Variants in PIGS observed in about 807,000 individuals in gnomAD.
PIGS encodes the protein GPI-anchor transamidase component PIGS.
PIGS carries 37 observed loss-of-function variants against 58.2 expected under a neutral mutation model. That is an observed-to-expected ratio of 0.64 (90% CI 0.49 to 0.84). PIGS has a LOEUF of 0.84. PIGS is among the 40% of genes least tolerant of loss of function. The probability of loss-of-function intolerance (pLI) is 0.00; values close to 1 mark genes in which losing one functional copy is unlikely to be tolerated. For missense variants in PIGS, 629 were observed against 710.8 expected (o/e 0.88, Z 1.31); for synonymous variants, 269 against 289.2 (o/e 0.93, Z 0.71).
Position 28,571,011 on chromosome 17 carries a change from G to A in PIGS, c.174+38C>T, listed in dbSNP as rs768934702. 8 of 1,614,176 alleles carry A rather than the reference G, an allele frequency of 5.0e-6. No individual in the cohort carries two copies. In the Admixed American group the frequency reaches 1.2e-4, roughly 24 times the overall value. On this transcript the variant is annotated intron_variant, in intron 2 of 11. Transcript: ENST00000308360. ...CGTCACTGAGTCTCCACCTTGCCGG[G>A]GGGGCTGTCCCCCGACCCTCCCGCA...
intron 7 of PIGS, among the ~76,000 whole-genome samples, chr17:28,559,010 T>C (rs2070346907): frequency 6.6e-6 from 1 of 152,130 alleles, no homozygotes; most frequent in Non-Finnish European, 1.5e-5. Flanking sequence ...AGATGGAGTC[T>C]CACTCTGTTG....
intron 3 of PIGS, among the ~76,000 whole-genome samples, chr17:28,566,041 A>C (rs973774579): frequency 2.0e-5 from 3 of 151,852 alleles, no homozygotes; most frequent in African/African-American, 7.3e-5. Flanking sequence ...AAAATAAATA[A>C]ATAAATAAAC....
intron 9 of PIGS, 25 bp downstream of exon 9, chr17:28,556,802 G>A (rs375261026): frequency 6.2e-7 from 1 of 1,605,688 alleles, no homozygotes; most frequent in African/African-American, 1.3e-5. Flanking sequence ...CATGGGCTCT[G>A]GGGTCTGCGT....
intron 3 of PIGS, among the ~76,000 whole-genome samples, chr17:28,567,148 T>C (rs2070399190): frequency 6.6e-6 from 1 of 152,232 alleles, no homozygotes; most frequent in African/African-American, 2.4e-5. Context: ...GAGATCAGGC[T>C]GACAATACCT....
chr17:28,554,181 G>T lies in PIGS; in HGVS notation c.*39C>A. Reference sequence around the variant, plus strand: ...CTCACAATCTAACACCGCCCACCTTGGCCAGAAAGGAAGGCTTCCTATGGA... The same window carrying T: ...CTCACAATCTAACACCGCCCACCTTTGCCAGAAAGGAAGGCTTCCTATGGA... On this transcript the variant is annotated 3_prime_UTR_variant, in exon 12 of 12. Transcript: ENST00000308360. 1 of 1,605,474 alleles carries T rather than the reference G, an allele frequency of 6.2e-7. No homozygotes were observed. The highest frequency in any genetic ancestry group is 8.5e-7 in the Non-Finnish European group (1 of 1,174,984).
chr17:28,561,524 C>A lies in PIGS; in HGVS notation c.574G>T (p.Ala192Ser). 1 of 1,614,058 alleles carries A rather than the reference C, an allele frequency of 6.2e-7. No individual in the cohort carries two copies. The highest frequency in any genetic ancestry group is 2.2e-5 in the East Asian group (1 of 44,878). The change falls in exon 6 of 12, where the codon GCC (alanine) becomes TCC (serine). Residue 192 changes from alanine (A) to serine (S), a missense_variant. Ala to Ser is a moderately conservative substitution (Grantham distance 99). Transcript: ENST00000308360. ...AGCACATCCTCAGTCAAAGACATGG[C>A]CTGGGCCACCTGGACTATGCGGCGG... ...IGRRIVQVAQ[A>S]MSLTEDVLAA... is the part of the protein sequence containing the mutation.
chr17:28,561,446 T>A lies in PIGS; in HGVS notation c.652A>T (p.Arg218Trp), dbSNP rs773281045. ...LPEDKWSAEK[R>W]RPLKSSLGYE... is the part of the protein sequence containing the mutation. Reference sequence around the variant, plus strand: ...CCCAAGCTGGACTTGAGAGGCCGCCTCTTCTCAGCGCTCCACTTGTCCTCT... The same window carrying A: ...CCCAAGCTGGACTTGAGAGGCCGCCACTTCTCAGCGCTCCACTTGTCCTCT... The change falls in exon 6 of 12, where the codon AGG (arginine) becomes TGG (tryptophan). Residue 218 changes from arginine to tryptophan, a missense_variant. Arg to Trp is a moderately radical substitution (Grantham distance 101, BLOSUM62 -3). Coordinates refer to ENST00000308360, the MANE Select transcript of PIGS (RefSeq NM_033198.4). 1 of 1,613,984 alleles carries A rather than the reference T, an allele frequency of 6.2e-7. No homozygotes were observed. The highest frequency in any genetic ancestry group is 2.2e-5 in the East Asian group (1 of 44,890).
chr17:28,561,819 C>A lies in PIGS; in HGVS notation c.469-190G>T. On this transcript the variant is annotated intron_variant, in intron 5 of 11. Coordinates refer to ENST00000308360, the MANE Select transcript of PIGS (RefSeq NM_033198.4). Reference sequence around the variant, plus strand: ...TATATTGAGTATTTTCATTTGTCTCCGTTCTCTTCTTTTTCCCAGTTGACA... The same window carrying A: ...TATATTGAGTATTTTCATTTGTCTCAGTTCTCTTCTTTTTCCCAGTTGACA... 4 of 581,998 alleles carry A rather than the reference C, an allele frequency of 6.9e-6. No individual in the cohort carries two copies. In the Admixed American group the frequency reaches 1.4e-4, roughly 20 times the overall value. 36.1% of individuals were successfully genotyped at this position (581,998 alleles called of 1,614,324 possible). A position where few individuals can be genotyped will look rare whatever the true frequency, so the allele number is the denominator to read the frequency against.
intron 1 of PIGS, 96 bp downstream of exon 1, chr17:28,571,367 C>A: frequency 6.4e-7 from 1 of 1,550,470 alleles, no homozygotes; most frequent in Non-Finnish European, 8.7e-7. Flanking sequence ...CCGAGCCCCC[C>A]GTCCGCGGGA....
At chr17:28,558,378 T>C (rs188265165) in intron 8 of PIGS, 98 bp downstream of exon 8, 105 of 976,076 alleles carry the variant, frequency 1.1e-4, no homozygotes, top group Non-Finnish European at 1.5e-4. Flanking sequence ...CATCACTGTA[T>C]ATAATCCACC....
rs2070426527 is a variant in PIGS at position 28,571,189 on chromosome 17, C to A, written c.35-1G>T. The A allele has an allele frequency of 6.2e-7, 1 of 1,612,612 alleles. No individual in the cohort carries two copies. The highest frequency in any genetic ancestry group is 1.7e-5 in the Admixed American group (1 of 59,964). ...GCGGCGCGCTTGCCCCGGGCCACCT[C>A]TGAGGGCATGGGGAACCGACTGAGG... On this transcript the variant is annotated splice_acceptor_variant, in intron 1 of 11. Coordinates refer to ENST00000308360, the MANE Select transcript of PIGS (RefSeq NM_033198.4). LOFTEE classifies it high-confidence loss of function.
intron 4 of PIGS, 38 bp downstream of exon 4, chr17:28,563,780 G>A: frequency 6.4e-7 from 1 of 1,559,440 alleles, no homozygotes; most frequent in Non-Finnish European, 8.8e-7. Flanking sequence ...GAAAAAGAGG[G>A]CTTCACATTA....
At position 28,556,266 on chromosome 17, in the gene PIGS, C is replaced by T. The variant is rs892246062; in HGVS notation, c.1081G>A (p.Val361Ile). The T allele has an allele frequency of 5.6e-6, 9 of 1,600,026 alleles. No homozygotes were observed. The highest frequency in any genetic ancestry group is 7.7e-6 in the Non-Finnish European group (9 of 1,167,236). The change falls in exon 10 of 12, where the codon GTA becomes ATA. Residue 361 changes from valine (V) to isoleucine (I), a missense_variant and splice_region_variant. Val to Ile is a conservative substitution (Grantham distance 29, BLOSUM62 3). Transcript: ENST00000308360. ...TAGGTTTTGGAGTCAACATTATATA[C>T]CTGAAAGGGGGAATGAGATTGCCAC... is the stretch of plus-strand genomic sequence containing the variant. The part of the protein sequence containing the change: ...FHSPRWGGIM[V>I]YNVDSKTYNA...
intron 3 of PIGS, among the ~76,000 whole-genome samples, chr17:28,569,036 G>T (rs907071446): frequency 2.0e-5 from 3 of 150,462 alleles, no homozygotes; most frequent in Non-Finnish European, 4.4e-5. Context: ...GGCAGAGGTT[G>T]CAGTGAGCCA....
rs776595079 is a variant in PIGS, at chr17:28,554,406, A to C, written c.1482T>G (p.Ala494=). 6.2e-7 allele frequency: 1 copy of C among 1,614,210 alleles called. No individual in the cohort carries two copies. The highest frequency in any genetic ancestry group is 1.1e-5 in the South Asian group (1 of 91,090). The part of the protein sequence containing the change: ...LASAFVASQE[A]VTSSELAFFD... ...AGAAGGCAAGCTCAGAGGATGTCAC[A>C]GCTTCCTGGCTGGCGACAAAGGCAG... Residue 494 remains alanine, a synonymous_variant, in exon 12 of 12, where the codon GCT becomes GCG. Coordinates refer to ENST00000308360, the MANE Select transcript of PIGS (RefSeq NM_033198.4).
intron 3 of PIGS, among the ~76,000 whole-genome samples, chr17:28,568,453 C>T (rs1419930174): frequency 6.6e-6 from 1 of 152,144 alleles, no homozygotes; most frequent in Non-Finnish European, 1.5e-5. Context: ...TGCTATATCT[C>T]TAGTAACTAG....
chr17:28,571,075 G>C lies in PIGS; in HGVS notation c.148C>G (p.Gln50Glu). 6.2e-7 allele frequency: 1 copy of C among 1,614,144 alleles called. No individual in the cohort carries two copies. The change falls in exon 2 of 12, where the codon CAG becomes GAG. Residue 50 changes from glutamine to glutamate, a missense_variant. By Grantham distance (29) the Gln-to-Glu change is conservative. Coordinates refer to ENST00000308360, the MANE Select transcript of PIGS (RefSeq NM_033198.4). ...TGAAGGGCATTCAGGCCACTGATCT[G>C]GGAGTAAGGCAACGAGGCCCGGTAG... The part of the protein sequence containing the change: ...ETYRASLPYS[Q>E]ISGLNALQLR...
chr17:28,560,346 C>T, intron 6 of PIGS, 155 bp from the exon 7 acceptor site: 1 of 925,946 alleles, frequency 1.1e-6, no homozygotes, highest in Middle Eastern at 3.3e-4. Flanking sequence ...ATGAGGAACA[C>T]TGAGTAAGAA....
intron 8 of PIGS, 133 bp from the exon 9 acceptor site, chr17:28,557,105 TC>T: frequency 2.1e-6 from 2 of 930,454 alleles, no homozygotes; most frequent in Non-Finnish European, 3.3e-6. Flanking sequence ...TATCCTCCTG[TC>T]CAGGGTGTCT....
Sources: allele counts gnomAD v4.1 joint callset (sites outside exome capture counted in the v4.1 genomes callset), GRCh38; gene constraint gnomAD v4.1.1; transcripts MANE v1.5; gene names NCBI Gene and HGNC (gene_info 2026-07-23, HGNC 2026-07-21).